Variants in RRN3 observed in about 807,000 individuals in gnomAD.
The protein encoded by RRN3 is RNA polymerase I transcription factor RRN3.
Under a neutral mutation model 82.3 loss-of-function variants are expected in RRN3, and 38 were observed. That is an observed-to-expected ratio of 0.46 (90% CI 0.36 to 0.61). The LOEUF (loss-of-function observed/expected upper bound fraction) is 0.61. RRN3 is among the 20% of genes least tolerant of loss of function. The pLI is 0.00. For missense variants in RRN3, 726 were observed against 793.1 expected (o/e 0.92, Z 1.02); for synonymous variants, 284 against 284.3 (o/e 1.00, Z 0.01).
intron 5 of RRN3, among the ~76,000 whole-genome samples, 191 bp from the exon 6 acceptor site, chr16:15,085,889 G>A (rs891552806): frequency 5.9e-5 from 9 of 151,990 alleles, no homozygotes; most frequent in African/African-American, 1.5e-4. Flanking sequence ...GTTTTTAAAC[G>A]GCTAAAAATT....
At chr16:15,093,858 A>G (rs1277895563) in intron 1 of RRN3, 4 of 465,556 alleles carry the variant, frequency 8.6e-6, no homozygotes, top group Non-Finnish European at 1.5e-5. Flanking sequence ...GGGAAGGAAG[A>G]GGGGTCAAGG....
At chr16:15,088,689 T>A (rs933183985) in intron 3 of RRN3, among the ~76,000 whole-genome samples, 2 of 152,052 alleles carry the variant, frequency 1.3e-5, no homozygotes, top group African/African-American at 4.8e-5. Context: ...TTTCTGGAAG[T>A]TCTGCTTCTT....
intron 2 of RRN3, 146 bp downstream of exon 2, chr16:15,092,363 G>A (rs1032660855): frequency 1.5e-6 from 1 of 646,424 alleles, no homozygotes; most frequent in African/African-American, 1.8e-5. Flanking sequence ...CTCTAATTTT[G>A]CACTGACGGC....
At position 15,060,127 on chromosome 16, in the gene RRN3, CT is replaced by C; in HGVS notation, c.*1616del. 1 of 346,506 alleles carries C rather than the reference CT, an allele frequency of 2.9e-6. No homozygotes were observed. The highest frequency in any genetic ancestry group is 5.7e-6 in the Non-Finnish European group (1 of 175,698). 21.5% of individuals were successfully genotyped at this position (346,506 alleles called of 1,614,324 possible). A position where few individuals can be genotyped will look rare whatever the true frequency, so the allele number is the denominator to read the frequency against. ...ACCATGGATTTTTTTTCACAAACTC[CT>C]TTGAAATTAAACAGACTTATATGTA... On this transcript the variant is annotated 3_prime_UTR_variant, in exon 18 of 18. Coordinates refer to ENST00000198767, the MANE Select transcript of RRN3 (RefSeq NM_018427.5).
intron 9 of RRN3, 85 bp downstream of exon 9, chr16:15,079,913 A>G (rs1228745492): frequency 2.2e-6 from 3 of 1,372,218 alleles, no homozygotes; most frequent in Admixed American, 5.2e-5. Flanking sequence ...ATTCTTTTCT[A>G]TCACTGACTA....
chr16:15,071,402 G>A, intron 12 of RRN3, 151 bp from the exon 13 acceptor site: 4 of 766,920 alleles, frequency 5.2e-6, no homozygotes, highest in Non-Finnish European at 6.2e-6. Context: ...CACATTGAGA[G>A]AATATCATTA....
At chr16:15,091,929 A>C (rs1267477328) in intron 2 of RRN3, among the ~76,000 whole-genome samples, 2 of 152,202 alleles carry the variant, frequency 1.3e-5, no homozygotes, top group African/African-American at 4.8e-5. Context: ...CTGTAATCCC[A>C]GCACTTTGGG....
chr16:15,061,569 C>A lies in RRN3; in HGVS notation c.*175G>T, dbSNP rs551568757. On this transcript the variant is annotated 3_prime_UTR_variant, in exon 18 of 18. Transcript: ENST00000198767. ...TTGTCTGTAAGGGGAACAACAACAA[C>A]AAAAAAACCCAGTCTTCAGATGCTT... 6.5e-5 allele frequency: 33 copies of A among 504,974 alleles called. No homozygotes were observed. The highest frequency in any genetic ancestry group is 3.2e-4 in the Admixed American group (9 of 28,554). 31.3% of individuals were successfully genotyped at this position (504,974 alleles called of 1,614,324 possible).
At chr16:15,080,263 G>A (rs1597956036) in intron 8 of RRN3, among the ~76,000 whole-genome samples, 167 bp from the exon 9 acceptor site, 2 of 152,178 alleles carry the variant, frequency 1.3e-5, no homozygotes, top group East Asian at 3.9e-4. Context: ...ATTATGTTCG[G>A]TATAATCATT....
At chr16:15,074,226 G>A (rs1351841791) in intron 11 of RRN3, among the ~76,000 whole-genome samples, 2 of 152,092 alleles carry the variant, frequency 1.3e-5, no homozygotes, top group African/African-American at 4.8e-5. Context: ...CTATTATTCT[G>A]ACTCACTGAG....
intron 12 of RRN3, among the ~76,000 whole-genome samples, chr16:15,071,624 C>T (rs1396837986): frequency 2.0e-5 from 3 of 152,052 alleles, no homozygotes; most frequent in Admixed American, 6.6e-5. Flanking sequence ...AAAAATTAGC[C>T]AGGCATGGTG....
intron 9 of RRN3, among the ~76,000 whole-genome samples, chr16:15,079,727 G>C (rs2045616446): frequency 6.6e-6 from 1 of 151,992 alleles, no homozygotes; most frequent in Non-Finnish European, 1.5e-5. Flanking sequence ...TGAGTAGCTG[G>C]GATTACAGGC....
intron 3 of RRN3, among the ~76,000 whole-genome samples, chr16:15,089,306 C>T (rs780555425): frequency 2.0e-5 from 3 of 151,862 alleles, no homozygotes; most frequent in Admixed American, 6.6e-5. Context: ...TCCCCAAAAA[C>T]GAAAATGAAA....
chr16:15,086,990 G>A (rs541696907), intron 3 of RRN3, among the ~76,000 whole-genome samples: 1 of 152,282 alleles, frequency 6.6e-6, no homozygotes, highest in Non-Finnish European at 1.5e-5. Context: ...ATTCCTCCAT[G>A]AAATATTTTT....
intron 7 of RRN3, among the ~76,000 whole-genome samples, chr16:15,084,326 G>C (rs568970379): frequency 2.6e-5 from 4 of 152,060 alleles, no homozygotes; most frequent in Admixed American, 1.3e-4. Context: ...TATTCATATG[G>C]CATGACACAA....
chr16:15,075,978 T>C (rs1427081818), intron 10 of RRN3, among the ~76,000 whole-genome samples: 2 of 152,080 alleles, frequency 1.3e-5, no homozygotes, highest in Non-Finnish European at 2.9e-5. Context: ...TGACAAGGCA[T>C]CAGAAAAGGA....
chr16:15,074,653 G>T, intron 11 of RRN3, 70 bp downstream of exon 11: 2 of 1,151,118 alleles, frequency 1.7e-6, no homozygotes, highest in Non-Finnish European at 1.2e-6. Flanking sequence ...AGAGATAATG[G>T]ATGGAAAATG....
intron 12 of RRN3, among the ~76,000 whole-genome samples, chr16:15,072,473 C>CA (rs1273136057): frequency 6.6e-6 from 1 of 152,054 alleles, no homozygotes. Context: ...GCTGGGCTGG[C>CA]AGGCAGCAAT....
intron 3 of RRN3, among the ~76,000 whole-genome samples, chr16:15,088,404 C>A (rs182131368): frequency 7.1e-4 from 107 of 151,770 alleles, no homozygotes; most frequent in Non-Finnish European, 1.2e-3. Flanking sequence ...GAGGTTGAGG[C>A]TGCAGTGAGC....
Sources: gnomAD v4.1 joint callset for allele counts (sites outside exome capture counted in the v4.1 genomes callset) on GRCh38, gnomAD v4.1.1 for gene constraint, MANE v1.5 for transcripts, NCBI Gene and HGNC (gene_info 2026-07-23, HGNC 2026-07-21) for gene names.